Variants in OTOGL observed in about 807,000 individuals in gnomAD.
OTOGL encodes the protein otogelin like, also known as otogelin-like protein.
A neutral mutation model predicts 318.5 loss-of-function variants in OTOGL; 285 were observed. The observed-to-expected ratio is 0.89, with a 90% CI of 0.81 to 0.99. The LOEUF (loss-of-function observed/expected upper bound fraction) is 0.99, where lower values mean the gene tolerates loss of function less well. Ranked by LOEUF, OTOGL falls within the 50% of genes least tolerant of loss-of-function variation. The pLI is 0.00. For synonymous variants in OTOGL, 987 were observed against 936.5 expected (o/e 1.05, Z -0.99); for missense variants, 2,899 against 2,845.6 (o/e 1.02, Z -0.43).
At chr12:80,336,860 A>G (rs1198367524) in intron 41 of OTOGL, 40 bp downstream of exon 41, 15 of 1,537,918 alleles carry the variant, frequency 9.8e-6, no homozygotes, top group Non-Finnish European at 1.3e-5. Flanking sequence ...CATTCTGTTT[A>G]TCACTACAAT....
At chr12:80,232,814 C>T in intron 8 of OTOGL, 78 bp from the exon 9 acceptor site, 1 of 1,195,002 alleles carries the variant, frequency 8.4e-7, no homozygotes, top group Admixed American at 2.2e-5. Context: ...TTAATTGTAT[C>T]TCAGTCACTT....
At chr12:80,147,503 G>A (rs959999813) in intron 1 of OTOGL, among the ~76,000 whole-genome samples, 3 of 151,240 alleles carry the variant, frequency 2.0e-5, no homozygotes, top group Admixed American at 2.0e-4. Context: ...AATAGGTGTG[G>A]TGTGGTGCTG....
chr12:80,338,140 T>C (rs1371556527), intron 42 of OTOGL, among the ~76,000 whole-genome samples: 3 of 152,056 alleles, frequency 2.0e-5, no homozygotes, highest in Non-Finnish European at 1.5e-5. Flanking sequence ...CTTATACTTG[T>C]GCATGATTTG....
chr12:80,173,351 C>A (rs1328538759), intron 1 of OTOGL, among the ~76,000 whole-genome samples: 5 of 152,212 alleles, frequency 3.3e-5, no homozygotes, highest in Middle Eastern at 6.8e-3. Flanking sequence ...AAAGGGTGGG[C>A]AATTCCCAGA....
rs747245970 is a variant in OTOGL, at chr12:80,222,256, G to T, written c.489+11G>T. 7.0e-6 allele frequency: 11 copies of T among 1,564,792 alleles called. No individual in the cohort carries two copies. The highest frequency in any genetic ancestry group is 6.8e-5 in the African/African-American group (5 of 73,390). On this transcript the variant is annotated intron_variant, in intron 7 of 58. Transcript: ENST00000547103. ...CGGTACACTGTATGGGTAGGTGATT[G>T]TAGGACATGATTAACTTAAAAATAT...
intron 1 of OTOGL, among the ~76,000 whole-genome samples, chr12:80,183,420 G>T (rs543164482): frequency 6.0e-4 from 91 of 152,280 alleles, no homozygotes; most frequent in Non-Finnish European, 9.7e-4. Flanking sequence ...TGAGAAATCA[G>T]GTGGATAATT....
chr12:80,149,880 C>G (rs1370811365), intron 1 of OTOGL, among the ~76,000 whole-genome samples: 2 of 152,202 alleles, frequency 1.3e-5, no homozygotes, highest in Non-Finnish European at 2.9e-5. Context: ...CTTGCACTTC[C>G]CGAGTGAGGC....
At chr12:80,314,231 G>A (rs1886831895) in intron 31 of OTOGL, 74 bp from the exon 32 acceptor site, 1 of 436,462 alleles carries the variant, frequency 2.3e-6, no homozygotes, top group Admixed American at 5.0e-5. Flanking sequence ...TAAATATGTG[G>A]CCATATCTTG....
intron 48 of OTOGL, 47 bp downstream of exon 48, chr12:80,356,567 C>T: frequency 4.4e-6 from 6 of 1,355,102 alleles, no homozygotes; most frequent in Non-Finnish European, 6.2e-6. Flanking sequence ...ATTGTTCATT[C>T]AGAACAGTGA....
intron 26 of OTOGL, among the ~76,000 whole-genome samples, chr12:80,284,822 G>T (rs1371562242): frequency 6.6e-6 from 1 of 152,020 alleles, no homozygotes; most frequent in Admixed American, 6.6e-5. Context: ...TTCCCATTTG[G>T]TAGGATGCCT....
intron 32 of OTOGL, 110 bp from the exon 33 acceptor site, chr12:80,318,435 TA>T: frequency 1.4e-6 from 1 of 731,552 alleles, no homozygotes; most frequent in Non-Finnish European, 1.9e-6. Context: ...GATAAATTTT[TA>T]ATTGCTCAAT....
chr12:80,183,093 C>T (rs1216126853), intron 1 of OTOGL, among the ~76,000 whole-genome samples: 1 of 152,146 alleles, frequency 6.6e-6, no homozygotes, highest in Admixed American at 6.5e-5. Flanking sequence ...ATATATAATG[C>T]TTACAATACA....
chr12:80,176,005 T>A (rs1008688890), intron 1 of OTOGL, among the ~76,000 whole-genome samples: 2 of 152,172 alleles, frequency 1.3e-5, no homozygotes, highest in Non-Finnish European at 2.9e-5. Context: ...CACTAACTAC[T>A]CTTCGTTAAA....
At chr12:80,259,044 G>A (rs951204942) in intron 18 of OTOGL, among the ~76,000 whole-genome samples, 11 of 151,750 alleles carry the variant, frequency 7.2e-5, no homozygotes, top group African/African-American at 1.2e-4. Context: ...TGTATACCTC[G>A]GAACATCATG....
intron 11 of OTOGL, among the ~76,000 whole-genome samples, chr12:80,251,486 C>T (rs1881540635): frequency 6.6e-6 from 1 of 152,174 alleles, no homozygotes; most frequent in African/African-American, 2.4e-5. Flanking sequence ...GATTATTTAT[C>T]TAGGCCTAAT....
intron 27 of OTOGL, among the ~76,000 whole-genome samples, chr12:80,299,828 T>A (rs1379759785): frequency 6.6e-6 from 1 of 152,090 alleles, no homozygotes; most frequent in Non-Finnish European, 1.5e-5. Context: ...GGACAATTTG[T>A]AATACCTCAC....
rs377516536 is a variant in OTOGL at position 80,379,790 on chromosome 12, AT to A, written c.*1743del. The A allele has an allele frequency of 4.7e-4, 71 of 152,134 alleles. No individual in the cohort carries two copies. Among genetic ancestry groups the A allele is most frequent in the African/African-American group, 1.6e-3 (67 of 41,566 alleles). 9.4% of individuals were successfully genotyped at this position (152,134 alleles called of 1,614,324 possible). A position where few individuals can be genotyped will look rare whatever the true frequency, so the allele number is the denominator to read the frequency against. On this transcript the variant is annotated 3_prime_UTR_variant, in exon 59 of 59. Coordinates refer to ENST00000547103, the MANE Select transcript of OTOGL (RefSeq NM_001378609.3). ...ATGGGAAACATTCTCCTAGAACTTT[AT>A]AAACATTCAACAAATACAGCAAATA...
intron 30 of OTOGL, among the ~76,000 whole-genome samples, chr12:80,313,271 T>G (rs1017600639): frequency 6.6e-6 from 1 of 152,188 alleles, no homozygotes; most frequent in Non-Finnish European, 1.5e-5. Flanking sequence ...TATTATTTCT[T>G]TTGCTAGTTC....
In OTOGL at chr12:80,329,048, T is replaced by A. The variant is rs1392695122; in HGVS notation, c.4280-3T>A. 4 of 1,587,132 alleles carry A rather than the reference T, an allele frequency of 2.5e-6. No individual in the cohort carries two copies. Among genetic ancestry groups the A allele is most frequent in the Non-Finnish European group, 3.4e-6 (4 of 1,170,362 alleles). On this transcript the variant is annotated splice_polypyrimidine_tract_variant and splice_region_variant and intron_variant, in intron 36 of 58. Transcript: ENST00000547103. ...TATAAAGAGCACCTTTGTTTCTTTG[T>A]AGGTATACCTGTGATTCCCACAGAA...
Sources: gnomAD v4.1 joint callset for allele counts (sites outside exome capture counted in the v4.1 genomes callset) on GRCh38, gnomAD v4.1.1 for gene constraint, MANE v1.5 for transcripts, NCBI Gene and HGNC (gene_info 2026-07-23, HGNC 2026-07-21) for gene names.